Variants in RGS12 observed in about 807,000 individuals in gnomAD.
The protein encoded by RGS12 is regulator of G protein signaling 12.
Under a neutral mutation model 120.1 loss-of-function variants are expected in RGS12, and 66 were observed. That is an observed-to-expected ratio of 0.55 (90% CI 0.45 to 0.67). The LOEUF is 0.67. Among genes scored for constraint, RGS12 ranks in the 30% least tolerant of loss-of-function variants. RGS12 has a pLI of 0.00. For missense variants in RGS12, 1,859 were observed against 1,957.7 expected (o/e 0.95, Z 0.95); for synonymous variants, 827 against 804.7 (o/e 1.03, Z -0.47).
At chr4:3,398,655 G>A (rs982235518) in intron 4 of RGS12, among the ~76,000 whole-genome samples, 5 of 151,950 alleles carry the variant, frequency 3.3e-5, no homozygotes, top group Non-Finnish European at 7.4e-5. Context: ...CAGAACAGAA[G>A]TAAATGGCAC....
rs547479103 is a variant in RGS12 at position 3,439,308 on chromosome 4, G to C, written c.4115-147G>C. The C allele has an allele frequency of 5.1e-6, 4 of 791,212 alleles. No homozygotes were observed. The Middle Eastern group carries it at 1.5e-3, about 288-fold the overall frequency. 49.0% of individuals were successfully genotyped at this position (791,212 alleles called of 1,614,324 possible). On this transcript the variant is annotated intron_variant, in intron 17 of 17. Transcript: ENST00000336727. ...CTGCCCCAGCCTGGAGGCCCACAGC[G>C]GGACGCCAGCTGCCTCTGGGATGTG...
intron 4 of RGS12, among the ~76,000 whole-genome samples, chr4:3,405,247 C>T (rs1720987517): frequency 6.6e-6 from 1 of 152,188 alleles, no homozygotes; most frequent in South Asian, 2.1e-4. Flanking sequence ...CACCAGGGAA[C>T]CCTAGAAACG....
chr4:3,416,864 C>A, intron 7 of RGS12, 49 bp from the exon 8 acceptor site: 1 of 1,529,010 alleles, frequency 6.5e-7, no homozygotes, highest in South Asian at 1.2e-5. Flanking sequence ...CCTGAGGCTG[C>A]ATGTCTGGGT....
At chr4:3,407,129 C>T (rs1205054612) in intron 4 of RGS12, among the ~76,000 whole-genome samples, 1 of 152,130 alleles carries the variant, frequency 6.6e-6, no homozygotes, top group Non-Finnish European at 1.5e-5. Context: ...GCACAAATTG[C>T]TGAAGTGGAG....
intron 3 of RGS12, among the ~76,000 whole-genome samples, chr4:3,362,546 TGA>T (rs1402948622): frequency 8.0e-5 from 8 of 100,220 alleles, no homozygotes; most frequent in East Asian, 6.4e-4. Flanking sequence ...AGGGTTTGTG[TGA>T]GGGTGTGTGT....
intron 2 of RGS12, among the ~76,000 whole-genome samples, chr4:3,321,832 C>T (rs1190853576): frequency 6.6e-6 from 1 of 152,250 alleles, no homozygotes; most frequent in Non-Finnish European, 1.5e-5. Flanking sequence ...GAACAATCTT[C>T]AGCATTCCCT....
At chr4:3,384,705 C>G (rs975906902) in intron 3 of RGS12, among the ~76,000 whole-genome samples, 1 of 152,220 alleles carries the variant, frequency 6.6e-6, no homozygotes, top group African/African-American at 2.4e-5. Flanking sequence ...GTTTTCACTA[C>G]TGGGAAGTGG....
At chr4:3,420,448 G>A (rs922927408) in intron 9 of RGS12, 194 bp from the exon 10 acceptor site, 31 of 645,584 alleles carry the variant, frequency 4.8e-5, no homozygotes, top group Non-Finnish European at 8.3e-5. Context: ...GTTGGTCCCT[G>A]ACTGGCTTCC....
intron 1 of RGS12, among the ~76,000 whole-genome samples, chr4:3,302,687 C>T (rs1004605776): frequency 1.3e-5 from 2 of 152,160 alleles, no homozygotes; most frequent in Non-Finnish European, 2.9e-5. Flanking sequence ...AGGGAGGCGC[C>T]CCAGGAGTGA....
chr4:3,399,578 C>T (rs1007996764), intron 4 of RGS12, among the ~76,000 whole-genome samples: 13 of 152,210 alleles, frequency 8.5e-5, no homozygotes, highest in African/African-American at 3.1e-4. Flanking sequence ...TTATACTGTA[C>T]ATTTGATTAA....
chr4:3,385,144 C>G (rs1488268963), intron 3 of RGS12: 1 of 152,240 alleles, frequency 6.6e-6, no homozygotes, highest in Non-Finnish European at 1.5e-5. Flanking sequence ...TCTTAAAGCC[C>G]CAGTGACCTC....
intron 2 of RGS12, among the ~76,000 whole-genome samples, chr4:3,326,094 C>T (rs183145301): frequency 6.6e-6 from 1 of 152,192 alleles, no homozygotes; most frequent in East Asian, 1.9e-4. Context: ...GAAAGCATTC[C>T]CTCTAAGAAC....
intron 4 of RGS12, 28 bp from the exon 5 acceptor site, chr4:3,414,044 G>A (rs1282673340): frequency 6.6e-7 from 1 of 1,518,204 alleles, no homozygotes; most frequent in Non-Finnish European, 8.8e-7. Context: ...GGGCAGGGGT[G>A]CAGGTGCTGT....
At chr4:3,370,130 G>A (rs1252464421) in intron 3 of RGS12, 2 of 1,505,182 alleles carry the variant, frequency 1.3e-6, no homozygotes, top group South Asian at 1.4e-5. Flanking sequence ...TTCCTGCAGT[G>A]TCCTGTTGCC....
chr4:3,388,775 C>T (rs1719138962), intron 4 of RGS12, among the ~76,000 whole-genome samples: 1 of 152,206 alleles, frequency 6.6e-6, no homozygotes, highest in Admixed American at 6.5e-5. Context: ...GGGGGGTGGT[C>T]CCAGGGAAAC....
intron 3 of RGS12, among the ~76,000 whole-genome samples, chr4:3,384,486 T>C (rs180846550): frequency 6.6e-6 from 1 of 152,290 alleles, no homozygotes; most frequent in East Asian, 1.9e-4. Context: ...GCGACATGAT[T>C]GTGGATGATT....
chr4:3,366,471 G>A lies in RGS12; in HGVS notation c.1999-19945G>A, dbSNP rs1716316585. 1.3e-5 allele frequency among the ~76,000 whole-genome samples: 2 copies of A among 152,154 alleles called. No individual in the cohort carries two copies. The highest frequency in any genetic ancestry group is 2.1e-4 in the South Asian group (1 of 4,834). On this transcript the variant is annotated intron_variant, in intron 3 of 17. Transcript: ENST00000336727. This position sits in a 1 kb window ranked among gnomAD's most constrained non-coding sequence, Gnocchi z 4.0. ...TCTCCCGGGCACAGTCAGCAGAGGC[G>A]CTCCTCCAGTTCCCGCCTCTCTGCC...
At chr4:3,408,258 G>T (rs991554815) in intron 4 of RGS12, among the ~76,000 whole-genome samples, 1 of 152,204 alleles carries the variant, frequency 6.6e-6, no homozygotes, top group African/African-American at 2.4e-5. Flanking sequence ...AGGGTTCAAG[G>T]TCAGGCCTTC....
At chr4:3,293,241 GCCGCCCGC>G (rs1723145797) in intron 1 of RGS12, 142 bp downstream of exon 1, 1 of 145,582 alleles carries the variant, frequency 6.9e-6, no homozygotes, top group Non-Finnish European at 1.5e-5. Flanking sequence ...CCTCGGGGTC[GCCGCCCGC>G]CCGCCCTGCC....
Sources: gnomAD v4.1 joint callset for allele counts (sites outside exome capture counted in the v4.1 genomes callset) on GRCh38, gnomAD v4.1.1 for gene constraint, Gnocchi (gnomAD v3.1) non-coding constraint, MANE v1.5 for transcripts, NCBI Gene and HGNC (gene_info 2026-07-23, HGNC 2026-07-21) for gene names.